TOM1L2: variants seen among roughly 807,000 people sequenced by gnomAD.
TOM1L2 encodes the protein TOM1-like protein 2.
TOM1L2 carries 31 observed loss-of-function variants against 67.9 expected under a neutral mutation model. That is an observed-to-expected ratio of 0.46 (90% CI 0.34 to 0.62). TOM1L2 has a LOEUF of 0.62. Ranked by LOEUF, TOM1L2 falls within the 20% of genes least tolerant of loss-of-function variation. The probability of loss-of-function intolerance (pLI) is 0.01; values close to 1 mark genes in which losing one functional copy is unlikely to be tolerated. For missense variants in TOM1L2, 606 were observed against 663.5 expected (o/e 0.91, Z 0.95); for synonymous variants, 256 against 254.0 (o/e 1.01, Z -0.07).
intron 2 of TOM1L2, among the ~76,000 whole-genome samples, chr17:17,905,664 A>T (rs1374880519): frequency 6.6e-6 from 1 of 152,144 alleles, no homozygotes; most frequent in Non-Finnish European, 1.5e-5. Flanking sequence ...TCAGCCTCGT[A>T]CAGTGCTGGG....
At chr17:17,970,685 C>T (rs566364892) in intron 1 of TOM1L2, among the ~76,000 whole-genome samples, 268 of 152,210 alleles carry the variant, frequency 1.8e-3, no homozygotes, top group African/African-American at 6.2e-3. Flanking sequence ...AAAGATACTA[C>T]GCCAGAAAGT....
At chr17:17,946,414 C>G (rs2040953965) in intron 1 of TOM1L2, among the ~76,000 whole-genome samples, 1 of 152,168 alleles carries the variant, frequency 6.6e-6, no homozygotes, top group Non-Finnish European at 1.5e-5. Flanking sequence ...TGCCTTTTCT[C>G]TATATAGATG....
rs780322281 is a variant in TOM1L2 at position 17,882,825 on chromosome 17, C to T, written c.540G>A (p.Arg180=). 4.3e-6 allele frequency: 7 copies of T among 1,614,150 alleles called. No homozygotes were observed. In the South Asian group the frequency reaches 7.7e-5, roughly 18 times the overall value. The change falls in exon 6 of 15, where the codon AGG becomes AGA. Residue 180 remains arginine, a synonymous_variant. Coordinates refer to ENST00000379504, the MANE Select transcript of TOM1L2 (RefSeq NM_001082968.2). Reference sequence around the variant, plus strand: ...CACTTGTCCTCTGCTGTGATTGGGACCTGGGCATGGTCGCAGCTGGATCCA... The same window carrying T: ...CACTTGTCCTCTGCTGTGATTGGGATCTGGGCATGGTCGCAGCTGGATCCA... ...PEVDPAATMP[R]SQSQQRTSAG...
intron 2 of TOM1L2, among the ~76,000 whole-genome samples, chr17:17,902,824 G>GC (rs2038916553): frequency 6.6e-6 from 1 of 152,340 alleles, no homozygotes; most frequent in Admixed American, 6.5e-5. Context: ...CAGTTATGTA[G>GC]CCAGATACAT....
intron 13 of TOM1L2, 64 bp downstream of exon 13, chr17:17,850,829 C>T: frequency 1.3e-6 from 2 of 1,575,628 alleles, no homozygotes; most frequent in Non-Finnish European, 8.7e-7. Context: ...CCCCCAAGGC[C>T]TGTCCTCAGA....
At chr17:17,951,838 T>C (rs2041218998) in intron 1 of TOM1L2, among the ~76,000 whole-genome samples, 1 of 152,202 alleles carries the variant, frequency 6.6e-6, no homozygotes, top group African/African-American at 2.4e-5. Context: ...AACAACCAAA[T>C]GCCTTTTCCC....
intron 2 of TOM1L2, among the ~76,000 whole-genome samples, chr17:17,899,012 G>A (rs2038717774): frequency 6.6e-6 from 1 of 152,204 alleles, no homozygotes; most frequent in East Asian, 1.9e-4. Flanking sequence ...CATAGCACAG[G>A]TGCCAGCGTA....
chr17:17,960,896 G>A (rs2041650020), intron 1 of TOM1L2, among the ~76,000 whole-genome samples: 1 of 152,072 alleles, frequency 6.6e-6, no homozygotes, highest in Non-Finnish European at 1.5e-5. Context: ...GAAAGATAAG[G>A]GCATGACACG....
intron 1 of TOM1L2, among the ~76,000 whole-genome samples, chr17:17,945,838 C>T (rs894899556): frequency 5.9e-5 from 9 of 152,106 alleles, no homozygotes; most frequent in African/African-American, 2.2e-4. Context: ...TGCCACCACC[C>T]TAATTCAATC....
intron 1 of TOM1L2, among the ~76,000 whole-genome samples, chr17:17,965,609 A>G (rs1397634241): frequency 6.6e-6 from 1 of 152,190 alleles, no homozygotes; most frequent in Admixed American, 6.5e-5. Context: ...CTCTGGAGCC[A>G]GAATGCTGCA....
At chr17:17,882,397 C>T (rs1376093195) in intron 6 of TOM1L2, among the ~76,000 whole-genome samples, 2 of 152,234 alleles carry the variant, frequency 1.3e-5, no homozygotes, top group African/African-American at 2.4e-5. Flanking sequence ...GCTGAGCATG[C>T]GGTCTCACCT....
At chr17:17,866,548 G>A (rs1483069049) in intron 9 of TOM1L2, 129 bp from the exon 10 acceptor site, 6 of 1,247,834 alleles carry the variant, frequency 4.8e-6, no homozygotes, top group Non-Finnish European at 5.4e-6. Flanking sequence ...CAGAAGCAAG[G>A]CCACTTCCCC....
chr17:17,909,916 C>A (rs2039269608), intron 1 of TOM1L2, among the ~76,000 whole-genome samples: 1 of 152,040 alleles, frequency 6.6e-6, no homozygotes, highest in African/African-American at 2.4e-5. Flanking sequence ...GTGGTCCTAA[C>A]TACTAATGAG....
intron 4 of TOM1L2, among the ~76,000 whole-genome samples, chr17:17,892,261 A>C (rs370375492): frequency 1.3e-5 from 2 of 152,126 alleles, no homozygotes; most frequent in Non-Finnish European, 2.9e-5. Context: ...GACCCATCTG[A>C]GAGCCCGGCC....
At chr17:17,907,937 C>T (rs8078138) in intron 1 of TOM1L2, among the ~76,000 whole-genome samples, 84,050 of 152,052 alleles carry the variant, frequency 0.55, 25,655 homozygotes, top group East Asian at 0.94. Context: ...AAAACAACAG[C>T]ACTTACCTGA....
intron 5 of TOM1L2, 101 bp from the exon 6 acceptor site, chr17:17,882,964 C>G: frequency 1.4e-6 from 2 of 1,442,816 alleles, no homozygotes; most frequent in Non-Finnish European, 1.9e-6. Flanking sequence ...AGGCTGCCCA[C>G]GAAAGGCTCA....
At chr17:17,864,020 C>T (rs1832371711) in intron 10 of TOM1L2, among the ~76,000 whole-genome samples, 2 of 151,834 alleles carry the variant, frequency 1.3e-5, no homozygotes, top group Non-Finnish European at 2.9e-5. Context: ...GTGTGTGCCA[C>T]CACTCGCAGC....
At position 17,851,356 on chromosome 17, in the gene TOM1L2, G is replaced by A. The variant is rs141610547; in HGVS notation, c.1279-404C>T. ...TTGAACTCAGCCACTATGACAGTCCGCTGTCAAGCCCAACCCAGGGAAGGC... is the reference window on the plus strand; with the variant it reads ...TTGAACTCAGCCACTATGACAGTCCACTGTCAAGCCCAACCCAGGGAAGGC... On this transcript the variant is annotated intron_variant, in intron 12 of 14. Transcript: ENST00000379504. 8.0e-3 allele frequency: 2,375 copies of A among 296,566 alleles called. 16 individuals are homozygous for A. Among genetic ancestry groups the A allele is most frequent in the Non-Finnish European group, 0.011 (1,715 of 151,544 alleles). The allele number at this position is 296,566 out of a possible 1,614,324, so 18.4% of individuals were successfully genotyped here. A position where few individuals can be genotyped will look rare whatever the true frequency, so the allele number is the denominator to read the frequency against.
chr17:17,952,109 G>C (rs894885221), intron 1 of TOM1L2, among the ~76,000 whole-genome samples: 1 of 152,172 alleles, frequency 6.6e-6, no homozygotes, highest in African/African-American at 2.4e-5. Context: ...GAGGAGGATG[G>C]CTATATAAAC....
Sources: allele counts gnomAD v4.1 joint callset (sites outside exome capture counted in the v4.1 genomes callset), GRCh38; gene constraint gnomAD v4.1.1; transcripts MANE v1.5; gene names NCBI Gene and HGNC (gene_info 2026-07-23, HGNC 2026-07-21).